DNAJC5: variants seen among roughly 807,000 people sequenced by gnomAD.
DNAJC5 encodes dnaJ homolog subfamily C member 5.
A neutral mutation model predicts 23.2 loss-of-function variants in DNAJC5; 1 was observed. The ratio of observed to expected loss-of-function variants is 0.04; its 90% confidence interval spans 0.02 to 0.20. The LOEUF (loss-of-function observed/expected upper bound fraction) is 0.20. DNAJC5 is among the 10% of genes least tolerant of loss of function. The pLI is 1.00. For synonymous variants in DNAJC5, 136 were observed against 120.0 expected (o/e 1.13, Z -0.87); for missense variants, 180 against 267.0 (o/e 0.67, Z 2.27).
chr20:63,924,346 C>T (rs2053594470), intron 1 of DNAJC5, among the ~76,000 whole-genome samples: 1 of 152,170 alleles, frequency 6.6e-6, no homozygotes, highest in Non-Finnish European at 1.5e-5. Context: ...AGTATCTTAG[C>T]AATTTGTGGT....
chr20:63,923,604 A>G (rs182351173), intron 1 of DNAJC5, among the ~76,000 whole-genome samples: 76 of 152,278 alleles, frequency 5.0e-4, no homozygotes, highest in African/African-American at 1.8e-3. Flanking sequence ...GCACACCTGT[A>G]GTCCCAGCTA....
At chr20:63,895,873 A>G (rs2053372067) in intron 1 of DNAJC5, among the ~76,000 whole-genome samples, 1 of 152,270 alleles carries the variant, frequency 6.6e-6, no homozygotes, top group Non-Finnish European at 1.5e-5. Context: ...TCCGCTTTAT[A>G]AAAACATTTG....
chr20:63,925,852 G>A (rs1338099721), intron 1 of DNAJC5, among the ~76,000 whole-genome samples: 12 of 145,194 alleles, frequency 8.3e-5, no homozygotes, highest in Non-Finnish European at 1.5e-4. Context: ...TTTTGAGACG[G>A]AGTCTCGCTG....
chr20:63,914,665 G>C (rs1257713461), intron 1 of DNAJC5, among the ~76,000 whole-genome samples: 1 of 150,124 alleles, frequency 6.7e-6, no homozygotes, highest in Non-Finnish European at 1.5e-5. Flanking sequence ...GCCCAGGCTG[G>C]AGTGTGGTGG....
chr20:63,897,482 C>T (rs975432411), intron 1 of DNAJC5, among the ~76,000 whole-genome samples: 2 of 152,156 alleles, frequency 1.3e-5, no homozygotes, highest in Non-Finnish European at 2.9e-5. Context: ...AGGAGAATCC[C>T]TTGAACCTGG....
intron 1 of DNAJC5, among the ~76,000 whole-genome samples, chr20:63,912,284 CAG>C (rs1388040586): frequency 1.5e-5 from 2 of 136,518 alleles, no homozygotes; most frequent in Non-Finnish European, 3.1e-5. Flanking sequence ...GCGTGGGCGA[CAG>C]AGTGAGAATC....
intron 1 of DNAJC5, among the ~76,000 whole-genome samples, chr20:63,910,396 A>G (rs368183350): frequency 6.6e-6 from 1 of 152,018 alleles, no homozygotes; most frequent in East Asian, 2.0e-4. Flanking sequence ...TACAAAAATT[A>G]GCTGGGCATG....
intron 1 of DNAJC5, among the ~76,000 whole-genome samples, chr20:63,911,796 C>A (rs950810503): frequency 6.6e-6 from 1 of 151,836 alleles, no homozygotes; most frequent in African/African-American, 2.4e-5. Context: ...ATCCCAACCA[C>A]CTGAGTAACT....
rs770258195 is a variant in DNAJC5 at position 63,931,044 on chromosome 20, C to CGTGT, written c.493+32_493+35dup. ...AGGGGTGAGTGCCCGCCCCAGGGCCCGTGTGTGTGTGTGGGGCAGAGCCAG... is the reference window on the plus strand; with the variant it reads ...AGGGGTGAGTGCCCGCCCCAGGGCCCGTGTGTGTGTGTGTGTGGGGCAGAGCCAG... On this transcript the variant is annotated intron_variant, in intron 4 of 4. Coordinates refer to ENST00000360864, the MANE Select transcript of DNAJC5 (RefSeq NM_025219.3). This position sits in a 1 kb window ranked among gnomAD's most constrained non-coding sequence, Gnocchi z 9.6. The CGTGT allele has an allele frequency of 6.2e-7, 1 of 1,608,406 alleles. No homozygotes were observed. Among genetic ancestry groups the CGTGT allele is most frequent in the Non-Finnish European group, 8.5e-7 (1 of 1,176,394 alleles).
chr20:63,917,787 C>T (rs886563696), intron 1 of DNAJC5, among the ~76,000 whole-genome samples: 8 of 151,098 alleles, frequency 5.3e-5, no homozygotes, highest in Non-Finnish European at 8.9e-5. Context: ...GAACTCCTGA[C>T]CTCAAGCCAT....
At chr20:63,918,432 C>T (rs892749961) in intron 1 of DNAJC5, among the ~76,000 whole-genome samples, 9 of 152,052 alleles carry the variant, frequency 5.9e-5, no homozygotes, top group Non-Finnish European at 8.8e-5. Context: ...AACTAATTAG[C>T]GTTTAGGGAT....
chr20:63,897,146 G>T (rs556427043), intron 1 of DNAJC5, among the ~76,000 whole-genome samples: 1 of 152,334 alleles, frequency 6.6e-6, no homozygotes, highest in South Asian at 2.1e-4. Flanking sequence ...TGTAATCTCA[G>T]CACTTTAGGA....
intron 1 of DNAJC5, among the ~76,000 whole-genome samples, chr20:63,915,725 C>T (rs2053511708): frequency 1.3e-5 from 2 of 152,220 alleles, no homozygotes; most frequent in South Asian, 4.1e-4. Flanking sequence ...TGGCACACCG[C>T]CTCAGGCTGA....
chr20:63,919,272 C>T (rs1271156884), intron 1 of DNAJC5, among the ~76,000 whole-genome samples: 1 of 152,226 alleles, frequency 6.6e-6, no homozygotes, highest in Non-Finnish European at 1.5e-5. Flanking sequence ...ATTTTGTTAC[C>T]ACTGAGTCCC....
intron 1 of DNAJC5, among the ~76,000 whole-genome samples, chr20:63,895,566 C>G (rs565564750): frequency 6.6e-6 from 1 of 150,868 alleles, no homozygotes; most frequent in Non-Finnish European, 1.5e-5. Context: ...GGCCGGGGGT[C>G]TGAGCACCGT....
At chr20:63,912,032 C>T (rs1204886129) in intron 1 of DNAJC5, among the ~76,000 whole-genome samples, 1 of 152,042 alleles carries the variant, frequency 6.6e-6, no homozygotes, top group Non-Finnish European at 1.5e-5. Flanking sequence ...GCCTAGCACA[C>T]TGGCTCATAT....
At chr20:63,907,088 CTAAAATAAAA>C (rs915505091) in intron 1 of DNAJC5, among the ~76,000 whole-genome samples, 1 of 151,966 alleles carries the variant, frequency 6.6e-6, no homozygotes, top group Non-Finnish European at 1.5e-5. Flanking sequence ...GACTCTGTCT[CTAAAATAAAA>C]TAAAATAAAA....
chr20:63,910,905 A>G lies in DNAJC5; in HGVS notation c.-12+15582A>G, dbSNP rs201499311. Among the ~76,000 whole-genome samples, 6 of 152,168 alleles carry G rather than the reference A, an allele frequency of 3.9e-5. No homozygotes were observed. In the East Asian group the frequency reaches 1.2e-3, roughly 30 times the overall value. On this transcript the variant is annotated intron_variant, in intron 1 of 4. Coordinates refer to ENST00000360864, the MANE Select transcript of DNAJC5 (RefSeq NM_025219.3). ...CCAGGCTGGTCTATCTCCTGACCTC[A>G]TGATCCGCCTGCCTTGGCCTCCCAA...
At chr20:63,897,502 G>T (rs1047627661) in intron 1 of DNAJC5, among the ~76,000 whole-genome samples, 5 of 152,156 alleles carry the variant, frequency 3.3e-5, no homozygotes, top group African/African-American at 1.2e-4. Context: ...GGAGGTGGAG[G>T]TTGCAGTGAG....
Sources: allele counts gnomAD v4.1 joint callset (sites outside exome capture counted in the v4.1 genomes callset), GRCh38; gene constraint gnomAD v4.1.1; non-coding constraint Gnocchi (gnomAD v3.1); transcripts MANE v1.5; gene names NCBI Gene and HGNC (gene_info 2026-07-23, HGNC 2026-07-21).